Variants in CFAP46 observed in about 807,000 individuals in gnomAD.
CFAP46 encodes the protein cilia- and flagella-associated protein 46.
CFAP46 carries 245 observed loss-of-function variants against 325.7 expected under a neutral mutation model. The ratio of observed to expected loss-of-function variants is 0.75; its 90% CI spans 0.68 to 0.84. CFAP46 has a LOEUF of 0.84. Ranked by LOEUF, CFAP46 falls within the 40% of genes least tolerant of loss-of-function variation. The pLI is 0.00. For synonymous variants in CFAP46, 1,523 were observed against 1,495.9 expected (o/e 1.02, Z -0.42); for missense variants, 3,346 against 3,543.0 (o/e 0.94, Z 1.41).
intron 24 of CFAP46, among the ~76,000 whole-genome samples, chr10:132,896,257 CCA>C (rs1311683298): frequency 6.6e-6 from 1 of 150,634 alleles, no homozygotes; most frequent in African/African-American, 2.5e-5. Context: ...GCTGTGTGTG[CCA>C]CATGAAGACA....
chr10:132,844,098 G>A (rs546761220), intron 44 of CFAP46, among the ~76,000 whole-genome samples: 20 of 126,096 alleles, frequency 1.6e-4, no homozygotes, highest in East Asian at 9.9e-4. Context: ...CTCTGGTCTC[G>A]GTGGGTGTTC....
intron 27 of CFAP46, among the ~76,000 whole-genome samples, chr10:132,883,456 A>G (rs1159719444): frequency 1.3e-5 from 2 of 152,254 alleles, no homozygotes; most frequent in African/African-American, 4.8e-5. Context: ...CAGCTAGAAT[A>G]GTCAGACGAC....
chr10:132,916,472 C>T, intron 17 of CFAP46, 77 bp downstream of exon 17: 1 of 1,436,864 alleles, frequency 7.0e-7, no homozygotes, highest in Non-Finnish European at 9.2e-7. Context: ...TGTCCCTCCC[C>T]ACGCCAGCCT....
At chr10:132,920,275 G>GCATT in intron 13 of CFAP46, 93 bp from the exon 14 acceptor site, 1 of 1,406,942 alleles carries the variant, frequency 7.1e-7, no homozygotes, top group Non-Finnish European at 9.3e-7. Flanking sequence ...CCGGCGCCGG[G>GCATT]GTGGCCACCC....
chr10:132,892,226 C>A (rs1488149291), intron 25 of CFAP46, 107 bp downstream of exon 25: 2 of 1,027,910 alleles, frequency 1.9e-6, no homozygotes, highest in Non-Finnish European at 2.9e-6. Context: ...TGCCAAGTGG[C>A]TTCACGTCAG....
In CFAP46 at chr10:132,869,776, G is replaced by C. The variant is rs533486716; in HGVS notation, c.4512-404C>G. ...CAGACACCAGGAAGCATCCCTGTGCGGGCCCCGGTGGTCCCTCTTAGCCCC... is the reference window on the plus strand; with the variant it reads ...CAGACACCAGGAAGCATCCCTGTGCCGGCCCCGGTGGTCCCTCTTAGCCCC... On this transcript the variant is annotated intron_variant, in intron 32 of 57. Transcript: ENST00000368586. The surrounding 1 kb of genome is among the most constrained non-coding windows in gnomAD (Gnocchi z 6.2). Among the ~76,000 whole-genome samples, 1 of 152,242 alleles carries C rather than the reference G, an allele frequency of 6.6e-6. No homozygotes were observed. The highest frequency in any genetic ancestry group is 1.5e-5 in the Non-Finnish European group (1 of 68,024).
At chr10:132,819,420 G>C (rs899029547) in intron 50 of CFAP46, among the ~76,000 whole-genome samples, 2 of 152,188 alleles carry the variant, frequency 1.3e-5, no homozygotes, top group African/African-American at 4.8e-5. Context: ...AGCCACAAAA[G>C]ACCCTGAATA....
At position 132,877,989 on chromosome 10, in the gene CFAP46, C is replaced by T; in HGVS notation, c.4104G>A (p.Glu1368=). The T allele has an allele frequency of 6.4e-7, 1 of 1,550,708 alleles. No individual in the cohort carries two copies. The highest frequency in any genetic ancestry group is 8.7e-7 in the Non-Finnish European group (1 of 1,147,038). ...TCTCCTTCTCCTTCTCTTTACTCCT[C>T]TCATTCTCCTTCTCTTTTTTAGGCA... The part of the protein sequence containing the change: ...LLLPKKEKEN[E]RSKEKEKERS... Residue 1368 remains glutamate, a synonymous_variant, in exon 30 of 58, where the codon GAG becomes GAA. Coordinates refer to ENST00000368586, the MANE Select transcript of CFAP46 (RefSeq NM_001200049.3). This position sits in a 1 kb window ranked among gnomAD's most constrained non-coding sequence, Gnocchi z 5.7.
intron 27 of CFAP46, among the ~76,000 whole-genome samples, chr10:132,881,486 A>T (rs1250953812): frequency 1.3e-5 from 2 of 152,288 alleles, no homozygotes; most frequent in East Asian, 3.9e-4. Context: ...CTGCGTCCAG[A>T]TGCAGAGCCC....
chr10:132,851,289 G>A lies in CFAP46; in HGVS notation c.5591C>T (p.Thr1864Met), dbSNP rs146978333. The stretch of plus-strand genomic sequence containing the variant: ...GCGCGCCAGCTTCCTCATCAGGGGC[G>A]TGTTGACGTTCTGCAACTGAGGGGG... ...LSLQDLQNVNTPLMRKLARLK... is the reference protein window; with the variant it reads ...LSLQDLQNVNMPLMRKLARLK... Residue 1864 changes from threonine to methionine, a missense_variant, in exon 40 of 58, where the codon ACG becomes ATG. Thr to Met is a moderately conservative substitution (Grantham distance 81). Coordinates refer to ENST00000368586, the MANE Select transcript of CFAP46 (RefSeq NM_001200049.3). 29 of 1,613,600 alleles carry A rather than the reference G, an allele frequency of 1.8e-5. No homozygotes were observed. Among genetic ancestry groups the A allele is most frequent in the African/African-American group, 5.3e-5 (4 of 74,926 alleles).
chr10:132,872,677 G>A lies in CFAP46; in HGVS notation c.4510C>T (p.Arg1504Cys), dbSNP rs932772726. 1.6e-5 allele frequency: 25 copies of A among 1,550,456 alleles called. No homozygotes were observed. The highest frequency in any genetic ancestry group is 2.4e-5 in the East Asian group (1 of 40,940). ...CTCCGAAAAAGGAGCTGTACCCACC[G>A]AAGGTGGTAGAGATCCGACAGGCCC... ...SKGLSDLYHLRLAHACSELKL... is the reference protein window; with the variant it reads ...SKGLSDLYHLCLAHACSELKL... The change falls in exon 32 of 58, where the codon CGC (arginine) becomes TGC (cysteine). Residue 1504 changes from arginine (R) to cysteine (C), a missense_variant and splice_region_variant. By Grantham distance (180) the Arg-to-Cys change is radical. Coordinates refer to ENST00000368586, the MANE Select transcript of CFAP46 (RefSeq NM_001200049.3).
intron 50 of CFAP46, among the ~76,000 whole-genome samples, chr10:132,824,979 CTGA>C (rs1342876140): frequency 6.3e-5 from 8 of 127,266 alleles, no homozygotes; most frequent in East Asian, 2.6e-4. Flanking sequence ...CTGATGTGTG[CTGA>C]TGTGTGCTGT....
intron 15 of CFAP46, among the ~76,000 whole-genome samples, chr10:132,918,949 A>C (rs1259687417): frequency 6.6e-6 from 1 of 152,106 alleles, no homozygotes; most frequent in East Asian, 1.9e-4. Context: ...GTGCTGATTG[A>C]TGAGCCTGCC....
intron 25 of CFAP46, among the ~76,000 whole-genome samples, chr10:132,890,646 A>T (rs1187151459): frequency 6.6e-6 from 1 of 151,204 alleles, no homozygotes; most frequent in Non-Finnish European, 1.5e-5. Context: ...CTATCCCCAA[A>T]CTCCTCAGGG....
Position 132,832,398 on chromosome 10 carries a change from C to CA in CFAP46, c.7117+959_7117+960insT, listed in dbSNP as rs1554876284. 2.3e-5 allele frequency among the ~76,000 whole-genome samples: 3 copies of CA among 133,006 alleles called. No homozygotes were observed. Among genetic ancestry groups the CA allele is most frequent in the African/African-American group, 5.7e-5 (2 of 35,158 alleles). The allele number at this position is 133,006 out of a possible 152,430, so 87.3% of individuals were successfully genotyped here. On this transcript the variant is annotated intron_variant, in intron 50 of 57. Transcript: ENST00000368586. This position sits in a 1 kb window ranked among gnomAD's most constrained non-coding sequence, Gnocchi z 4.1. ...CCCTGGGCTCTTCCTGCCCCCCCCCCCCAATGCTGTGGCCTGGAAATTCCC... is the reference window on the plus strand; with the variant it reads ...CCCTGGGCTCTTCCTGCCCCCCCCCCACCAATGCTGTGGCCTGGAAATTCCC...
At chr10:132,873,700 C>G (rs1247900278) in intron 31 of CFAP46, among the ~76,000 whole-genome samples, 3 of 152,106 alleles carry the variant, frequency 2.0e-5, no homozygotes, top group East Asian at 3.9e-4. Flanking sequence ...GGATGACAAC[C>G]AGGCAGAGGG....
At chr10:132,872,556 TGTTCAAGTC>T (rs1417551393) in intron 32 of CFAP46, 111 bp downstream of exon 32, 1 of 1,114,496 alleles carries the variant, frequency 9.0e-7, no homozygotes, top group South Asian at 1.4e-5. Context: ...ATTTACTTGG[TGTTCAAGTC>T]CCAGGGACTT....
chr10:132,916,751 AC>A lies in CFAP46; in HGVS notation c.1987-70del, dbSNP rs1340868730. The A allele has an allele frequency of 3.5e-5, 49 of 1,400,580 alleles. No homozygotes were observed. In the East Asian group the frequency reaches 6.5e-4, roughly 19 times the overall value. The allele number at this position is 1,400,580 out of a possible 1,614,324, so 86.8% of individuals were successfully genotyped here. ...GGGCCCAGCACCAGATAGGAAACAC[AC>A]ACGCCCTTCCCTCAGCTCTGATTTG... On this transcript the variant is annotated intron_variant, in intron 16 of 57. Coordinates refer to ENST00000368586, the MANE Select transcript of CFAP46 (RefSeq NM_001200049.3).
chr10:132,812,478 ACT>A (rs1847600645), intron 55 of CFAP46, among the ~76,000 whole-genome samples: 3 of 152,126 alleles, frequency 2.0e-5, no homozygotes, highest in Non-Finnish European at 4.4e-5. Flanking sequence ...TGGGCCCAGC[ACT>A]GACTCCTGCC....
Sources: allele counts gnomAD v4.1 joint callset (sites outside exome capture counted in the v4.1 genomes callset), GRCh38; gene constraint gnomAD v4.1.1; non-coding constraint Gnocchi (gnomAD v3.1); transcripts MANE v1.5; gene names NCBI Gene and HGNC (gene_info 2026-07-23, HGNC 2026-07-21).